The following PTPRT variants were observed in gnomAD, a reference collection of about 807,000 sequenced individuals.
The protein encoded by PTPRT is receptor-type tyrosine-protein phosphatase T.
A neutral mutation model predicts 176.8 loss-of-function variants in PTPRT; 56 were observed. That is an observed-to-expected ratio of 0.32 (90% CI 0.26 to 0.40). PTPRT has a LOEUF of 0.40. PTPRT is among the 10% of genes least tolerant of loss of function. The pLI is 1.00. For missense variants in PTPRT, 1,540 were observed against 1,908.2 expected (o/e 0.81, Z 3.60); for synonymous variants, 783 against 739.0 (o/e 1.06, Z -0.96).
intron 2 of PTPRT, among the ~76,000 whole-genome samples, chr20:42,877,057 T>C (rs1412834182): frequency 6.6e-6 from 1 of 151,954 alleles, no homozygotes; most frequent in Non-Finnish European, 1.5e-5. Context: ...ACAAGAGATA[T>C]CAACTATGAC....
the PTPRT span, among the ~76,000 whole-genome samples, chr20:42,037,632 G>T: frequency 2.0e-5 from 3 of 152,154 alleles, no homozygotes; most frequent in Non-Finnish European, 4.4e-5. Flanking sequence ...GCTGAGAGAG[G>T]AAATGCATGC....
chr20:42,552,696 C>A lies in PTPRT; in HGVS notation c.1154-80134G>T, dbSNP rs189154069. ...GGAAAATATTTGCCATGCATAGAAC[C>A]AACCAAGATTAATGCTGTTAATACA... On this transcript the variant is annotated intron_variant, in intron 7 of 30. Transcript: ENST00000373187. 3.7e-3 allele frequency among the ~76,000 whole-genome samples: 567 copies of A among 152,128 alleles called. 5 individuals carry two copies. The highest frequency in any genetic ancestry group is 0.024 in the South Asian group (114 of 4,826).
chr20:42,666,263 T>C (rs2075315297), intron 7 of PTPRT, among the ~76,000 whole-genome samples: 1 of 152,202 alleles, frequency 6.6e-6, no homozygotes, highest in Non-Finnish European at 1.5e-5. Flanking sequence ...TGGCACTCTA[T>C]ATGTATGAGT....
chr20:43,057,967 A>T (rs991836531), intron 1 of PTPRT, among the ~76,000 whole-genome samples: 2 of 152,230 alleles, frequency 1.3e-5, no homozygotes, highest in African/African-American at 4.8e-5. Flanking sequence ...AGCACCCAGT[A>T]TATATGTGTG....
At chr20:42,471,859 G>A (rs1418918174) in intron 8 of PTPRT, among the ~76,000 whole-genome samples, 3 of 152,086 alleles carry the variant, frequency 2.0e-5, no homozygotes, top group Non-Finnish European at 4.4e-5. Context: ...GTTTCACCAT[G>A]TTGCCCAGGC....
chr20:42,384,967 C>T, intron 9 of PTPRT, among the ~76,000 whole-genome samples: 1 of 152,192 alleles, frequency 6.6e-6, no homozygotes, highest in Non-Finnish European at 1.5e-5. Flanking sequence ...ATATGAGTTC[C>T]TTATATAATT....
chr20:43,044,019 A>G (rs1392013157), intron 1 of PTPRT, among the ~76,000 whole-genome samples: 1 of 151,932 alleles, frequency 6.6e-6, no homozygotes, highest in African/African-American at 2.4e-5. Context: ...CGTTCAATGG[A>G]CAGACACCCA....
At chr20:42,193,952 A>G (rs1012453397) in intron 16 of PTPRT, among the ~76,000 whole-genome samples, 8 of 152,202 alleles carry the variant, frequency 5.3e-5, no homozygotes, top group African/African-American at 1.7e-4. Context: ...AACTGAAATC[A>G]GGAGAGATGT....
intron 7 of PTPRT, among the ~76,000 whole-genome samples, chr20:42,570,694 G>C (rs1025716894): frequency 6.6e-6 from 1 of 151,996 alleles, no homozygotes; most frequent in East Asian, 1.9e-4. Flanking sequence ...AAATATGAGA[G>C]GGAGAGGGAA....
intron 1 of PTPRT, among the ~76,000 whole-genome samples, chr20:42,999,129 T>C (rs1195363913): frequency 6.6e-6 from 1 of 152,338 alleles, no homozygotes; most frequent in East Asian, 1.9e-4. Flanking sequence ...AGAAAAGTAC[T>C]GTGCAGCCAT....
intron 1 of PTPRT, among the ~76,000 whole-genome samples, chr20:42,916,000 C>T (rs1319497079): frequency 2.0e-5 from 3 of 151,960 alleles, no homozygotes; most frequent in Non-Finnish European, 4.4e-5. Flanking sequence ...TTTTAGGGTA[C>T]AGGTGCACAA....
intron 1 of PTPRT, among the ~76,000 whole-genome samples, chr20:43,093,513 T>C (rs2011974231): frequency 6.6e-6 from 1 of 152,222 alleles, no homozygotes; most frequent in Non-Finnish European, 1.5e-5. Context: ...TGAAGCCTTG[T>C]GAATGCACAG....
intron 11 of PTPRT, among the ~76,000 whole-genome samples, chr20:42,347,425 T>C (rs568551016): frequency 6.6e-6 from 1 of 152,244 alleles, no homozygotes; most frequent in East Asian, 1.9e-4. Flanking sequence ...AGTCTACCGC[T>C]TCTCTCAATC....
intron 23 of PTPRT, among the ~76,000 whole-genome samples, chr20:42,109,078 G>T (rs908222055): frequency 1.3e-5 from 2 of 152,230 alleles, no homozygotes. Context: ...CATTTAGAGA[G>T]TCCAGGATTA....
chr20:42,160,672 G>A (rs1352574615), intron 17 of PTPRT, among the ~76,000 whole-genome samples: 1 of 152,184 alleles, frequency 6.6e-6, no homozygotes, highest in Admixed American at 6.5e-5. Flanking sequence ...ACGTTGTATT[G>A]AGCTGCTGCC....
chr20:42,130,847 G>A (rs1198504470), intron 18 of PTPRT, among the ~76,000 whole-genome samples: 1 of 152,120 alleles, frequency 6.6e-6, no homozygotes, highest in Non-Finnish European at 1.5e-5. Context: ...GGAGTTTGAA[G>A]TTAACCTTTA....
chr20:42,365,782 G>A (rs1305071040), intron 9 of PTPRT, among the ~76,000 whole-genome samples: 2 of 152,220 alleles, frequency 1.3e-5, no homozygotes, highest in African/African-American at 2.4e-5. Flanking sequence ...GGTTGGACAA[G>A]CTTCGTCTAG....
chr20:42,572,207 T>C (rs2073168851), intron 7 of PTPRT, among the ~76,000 whole-genome samples: 1 of 152,176 alleles, frequency 6.6e-6, no homozygotes, highest in Admixed American at 6.5e-5. Context: ...GGGATCCTCC[T>C]GACATAATTG....
At chr20:42,214,534 G>A (rs959706671) in intron 15 of PTPRT, among the ~76,000 whole-genome samples, 1 of 152,146 alleles carries the variant, frequency 6.6e-6, no homozygotes, top group Non-Finnish European at 1.5e-5. Context: ...AGCAACAGAC[G>A]TCATGACAAT....
Sources: gnomAD v4.1 joint callset for allele counts (sites outside exome capture counted in the v4.1 genomes callset) on GRCh38, gnomAD v4.1.1 for gene constraint, MANE v1.5 for transcripts, NCBI Gene and HGNC (gene_info 2026-07-23, HGNC 2026-07-21) for gene names.